The following KLF13 variants were observed in gnomAD, a reference collection of about 807,000 sequenced individuals.
KLF13 encodes the protein KLF transcription factor 13.
KLF13 carries 8 observed loss-of-function variants against 16.7 expected under a neutral mutation model. The ratio of observed to expected loss-of-function variants is 0.48; its 90% CI spans 0.28 to 0.87. KLF13 has a LOEUF of 0.87. Ranked by LOEUF, KLF13 falls within the 40% of genes least tolerant of loss-of-function variation. The pLI, the probability that KLF13 is intolerant of heterozygous loss-of-function variation, is 0.10. For missense variants in KLF13, 447 were observed against 452.2 expected, an observed-to-expected ratio of 0.99 and a Z score of 0.10; for synonymous variants, 245 against 208.4, an observed-to-expected ratio of 1.18 and a Z score of -1.51.
intron 1 of KLF13, among the ~76,000 whole-genome samples, chr15:31,433,161 G>A (rs1192032762): frequency 6.6e-6 from 1 of 152,218 alleles, no homozygotes; most frequent in Non-Finnish European, 1.5e-5. Context: ...TTGTTAGGTG[G>A]GCGTGGAGCA....
At chr15:31,392,002 G>C (rs985537917), upstream of KLF13, among the ~76,000 whole-genome samples, 2 of 152,002 alleles carry the variant, frequency 1.3e-5, no homozygotes, top group Non-Finnish European at 2.9e-5. Flanking sequence ...CTGGGCGGGC[G>C]CCGAGCCCGG....
At chr15:31,360,501 T>G (rs2039366090) in intron 1 of KLF13, among the ~76,000 whole-genome samples, 1 of 152,184 alleles carries the variant, frequency 6.6e-6, no homozygotes, top group Non-Finnish European at 1.5e-5. Flanking sequence ...CAAGAGGGTT[T>G]TTGAACACAA....
At chr15:31,365,228 G>A (rs941427646) in intron 1 of KLF13, among the ~76,000 whole-genome samples, 10 of 152,170 alleles carry the variant, frequency 6.6e-5, no homozygotes, top group Non-Finnish European at 1.3e-4. Flanking sequence ...GCCTCTCCCT[G>A]TGCCTCCCTT....
intron 2 of KLF13, among the ~76,000 whole-genome samples, chr15:31,394,673 A>G (rs1320380502): frequency 6.6e-6 from 1 of 152,224 alleles, no homozygotes; most frequent in Non-Finnish European, 1.5e-5. Flanking sequence ...TATAATTCAC[A>G]TATATAATTC....
chr15:31,327,707 G>A lies in KLF13; in HGVS notation c.495G>A (p.Arg165=), dbSNP rs763661609. ...GCGCCGACCTCGAGTCCCCGCAGAG[G>A]AAGCACAAGTGCCACTACGCGGGCT... ...RSRADLESPQ[R]KHKCHYAGCE... The change falls in exon 1 of 2, where the codon AGG becomes AGA. Residue 165 remains arginine (R), a synonymous_variant. Transcript: ENST00000307145. 3.1e-5 allele frequency: 48 copies of A among 1,538,652 alleles called. No individual in the cohort carries two copies. Among genetic ancestry groups the A allele is most frequent in the Non-Finnish European group, 3.8e-5 (43 of 1,139,694 alleles).
chr15:31,345,300 G>T (rs1417353185), intron 1 of KLF13, among the ~76,000 whole-genome samples: 1 of 152,192 alleles, frequency 6.6e-6, no homozygotes, highest in Non-Finnish European at 1.5e-5. Context: ...TTTGGCTGGT[G>T]TTTCTGTCCC....
At chr15:31,346,747 T>A (rs1566809705) in intron 1 of KLF13, among the ~76,000 whole-genome samples, 1 of 152,250 alleles carries the variant, frequency 6.6e-6, no homozygotes, top group Admixed American at 6.5e-5. Context: ...TTTCAGTTTC[T>A]AGCGAGGGAC....
At chr15:31,379,289 A>G (rs2039694725), downstream of KLF13, among the ~76,000 whole-genome samples, 1 of 152,190 alleles carries the variant, frequency 6.6e-6, no homozygotes, top group South Asian at 2.1e-4. Context: ...TTTGGAGCCC[A>G]TTCTTGGTTG....
rs1030748655 is a variant in KLF13 at position 31,363,647 on chromosome 15, C to T, written c.578-8363C>T. Among the ~76,000 whole-genome samples, 4 of 152,134 alleles carry T rather than the reference C, an allele frequency of 2.6e-5. No individual in the cohort carries two copies. In the East Asian group the frequency reaches 7.7e-4, roughly 29 times the overall value. On this transcript the variant is annotated intron_variant, in intron 1 of 1. Transcript: ENST00000307145. ...GATTACAGGCGCTCGCCACCACGCC[C>T]GGCTGATTTTGTATTTTTAGTAGAG...
chr15:31,387,211 A>G (rs2039804989), intron 1 of KLF13, among the ~76,000 whole-genome samples: 1 of 152,184 alleles, frequency 6.6e-6, no homozygotes, highest in African/African-American at 2.4e-5. Flanking sequence ...CACTACAGAG[A>G]AGTCCATCAC....
At chr15:31,329,612 G>T (rs1350248115) in intron 1 of KLF13, among the ~76,000 whole-genome samples, 1 of 152,188 alleles carries the variant, frequency 6.6e-6, no homozygotes, top group African/African-American at 2.4e-5. Context: ...CTCTTGACTA[G>T]AATATTGGCG....
intron 1 of KLF13, among the ~76,000 whole-genome samples, chr15:31,425,662 A>C (rs1280017299): frequency 6.6e-6 from 1 of 152,134 alleles, no homozygotes; most frequent in Non-Finnish European, 1.5e-5. Flanking sequence ...AGATCACCTG[A>C]GGTCAGAAGT....
chr15:31,359,799 C>T (rs1007469237), intron 1 of KLF13, among the ~76,000 whole-genome samples: 3 of 152,224 alleles, frequency 2.0e-5, no homozygotes, highest in Non-Finnish European at 4.4e-5. Flanking sequence ...GAAGAACATT[C>T]GAGAGAGACA....
chr15:31,351,977 A>C (rs2140948626), intron 1 of KLF13, among the ~76,000 whole-genome samples: 1 of 151,606 alleles, frequency 6.6e-6, no homozygotes, highest in South Asian at 2.1e-4. Flanking sequence ...ACGCCACTGC[A>C]CTCCAGCCTG....
At chr15:31,380,576 G>T (rs897815392), downstream of KLF13, among the ~76,000 whole-genome samples, 4 of 152,188 alleles carry the variant, frequency 2.6e-5, no homozygotes, top group African/African-American at 9.7e-5. Context: ...TCTGGGTTGG[G>T]TTTGGCTGCA....
chr15:31,354,903 G>A (rs750751860), intron 1 of KLF13, among the ~76,000 whole-genome samples: 2 of 152,054 alleles, frequency 1.3e-5, no homozygotes, highest in Non-Finnish European at 2.9e-5. Context: ...AGCCTGATAC[G>A]TCTAATTTTC....
rs2038730453 is a variant in KLF13, at chr15:31,327,369, C to A, written c.157C>A (p.Arg53Ser). The A allele has an allele frequency of 1.6e-6, 2 of 1,284,084 alleles. No individual in the cohort carries two copies. The highest frequency in any genetic ancestry group is 4.1e-5 in the Admixed American group (1 of 24,468). The allele number at this position is 1,284,084 out of a possible 1,614,324, so 79.5% of individuals were successfully genotyped here. A position where few individuals can be genotyped will look rare whatever the true frequency, so the allele number is the denominator to read the frequency against. The change falls in exon 1 of 2, where the codon CGC becomes AGC. Residue 53 changes from arginine to serine, a missense_variant. Arg to Ser is a moderately radical substitution (Grantham distance 110). Transcript: ENST00000307145. The stretch of plus-strand genomic sequence containing the variant: ...CACGCTGCCCCGCGTCGAGGAGCGC[C>A]GCGACGGTAAGGACAGCGCCTCGCT... Reference protein sequence around the residue: ...TPTLPRVEERRDGKDSASLFV... With the variant: ...TPTLPRVEERSDGKDSASLFV...
At chr15:31,331,797 G>T (rs182519555) in intron 1 of KLF13, among the ~76,000 whole-genome samples, 39 of 152,290 alleles carry the variant, frequency 2.6e-4, no homozygotes, top group Non-Finnish European at 5.1e-4. Flanking sequence ...CTGTTACCCC[G>T]CGTTGGTGTT....
intron 1 of KLF13, chr15:31,420,509 A>C: frequency 1.6e-6 from 1 of 611,326 alleles, no homozygotes; most frequent in East Asian, 4.1e-5. Flanking sequence ...ACTGTATGGC[A>C]TCAGGACCAT....
Sources: gnomAD v4.1 joint callset for allele counts (sites outside exome capture counted in the v4.1 genomes callset) on GRCh38, gnomAD v4.1.1 for gene constraint, MANE v1.5 for transcripts, NCBI Gene and HGNC (gene_info 2026-07-23, HGNC 2026-07-21) for gene names.